The following EFCAB3 variants were observed in gnomAD, a reference collection of about 807,000 sequenced individuals.
The protein encoded by EFCAB3 is EF-hand calcium binding domain 3, also known as EF-hand calcium-binding domain-containing protein 3.
EFCAB3 carries 36 observed loss-of-function variants against 42.2 expected under a neutral mutation model. That is an observed-to-expected ratio of 0.85 (90% CI 0.65 to 1.13). The LOEUF (loss-of-function observed/expected upper bound fraction) is 1.13. Among genes scored for constraint, EFCAB3 ranks in the 50% most tolerant of loss-of-function variants. EFCAB3 has a pLI of 0.00. For missense variants in EFCAB3, 418 were observed against 505.1 expected, an observed-to-expected ratio of 0.83 and a Z score of 1.65; for synonymous variants, 170 against 172.8, an observed-to-expected ratio of 0.98 and a Z score of 0.13.
chr17:62,406,972 T>A, intron 7 of EFCAB3, 56 bp from the exon 8 acceptor site: 1 of 1,522,906 alleles, frequency 6.6e-7, no homozygotes, highest in Non-Finnish European at 8.8e-7. Flanking sequence ...GCTGGTCTTT[T>A]ATGTGAACTT....
At chr17:62,388,235 T>C (rs1488858635) in intron 3 of EFCAB3, among the ~76,000 whole-genome samples, 1 of 151,832 alleles carries the variant, frequency 6.6e-6, no homozygotes, top group Non-Finnish European at 1.5e-5. Flanking sequence ...ATGAACTTGC[T>C]GAATAAATCA....
intron 3 of EFCAB3, among the ~76,000 whole-genome samples, chr17:62,389,702 T>C (rs2070286079): frequency 6.6e-6 from 1 of 152,026 alleles, no homozygotes; most frequent in African/African-American, 2.4e-5. Flanking sequence ...TCCACCAACT[T>C]TTTCTATTTG....
chr17:62,396,206 A>T (rs1441421701), intron 6 of EFCAB3, among the ~76,000 whole-genome samples: 1 of 152,226 alleles, frequency 6.6e-6, no homozygotes, highest in Non-Finnish European at 1.5e-5. Context: ...AATAAATGTT[A>T]GCTATTATTA....
Position 62,384,406 on chromosome 17 carries a change from C to T in EFCAB3, c.74+1353C>T, listed in dbSNP as rs146190091. On this transcript the variant is annotated intron_variant, in intron 2 of 9. Transcript: ENST00000305286. Reference sequence around the variant, plus strand: ...ATCCCAGCACTTTGAGAGGCTGAGGCGGGTGGATCACTTGAGCCTAGGAAT... The same window carrying T: ...ATCCCAGCACTTTGAGAGGCTGAGGTGGGTGGATCACTTGAGCCTAGGAAT... 1.8e-3 allele frequency among the ~76,000 whole-genome samples: 275 copies of T among 152,192 alleles called. 1 individual carries two copies. The highest frequency in any genetic ancestry group is 6.2e-3 in the African/African-American group (258 of 41,530).
Position 62,391,923 on chromosome 17 carries a change from A to G in EFCAB3, c.253A>G (p.Lys85Glu). ...TVAKLGMNLT[K>E]HDVYNELKCA... ...AGCTAAGCTGGGAATGAATCTGACC[A>G]AGCATGATGTCTATAATGAATTGAA... Residue 85 changes from lysine (K) to glutamate (E), a missense_variant, in exon 4 of 10, where the codon AAG (lysine) becomes GAG (glutamate). Coordinates refer to ENST00000305286, the MANE Select transcript of EFCAB3 (RefSeq NM_173503.4). 2 of 1,612,970 alleles carry G rather than the reference A, an allele frequency of 1.2e-6. No individual in the cohort carries two copies. Among genetic ancestry groups the G allele is most frequent in the African/African-American group, 1.3e-5 (1 of 75,020 alleles).
intron 6 of EFCAB3, among the ~76,000 whole-genome samples, chr17:62,402,377 AG>A (rs944905937): frequency 2.6e-5 from 4 of 152,294 alleles, no homozygotes; most frequent in African/African-American, 9.6e-5. Context: ...CAGTTTTCAA[AG>A]GGAATGCTTC....
intron 6 of EFCAB3, among the ~76,000 whole-genome samples, chr17:62,401,760 A>T: frequency 6.6e-6 from 1 of 152,072 alleles, no homozygotes; most frequent in Non-Finnish European, 1.5e-5. Context: ...TAGGATTGTC[A>T]TGGCAATGTG....
intron 2 of EFCAB3, 111 bp downstream of exon 2, chr17:62,383,164 C>A: frequency 2.0e-6 from 2 of 1,012,548 alleles, no homozygotes; most frequent in Non-Finnish European, 2.8e-6. Context: ...CTGGGAAGCC[C>A]CTAAAAAAAA....
chr17:62,396,712 C>T (rs75695589), intron 6 of EFCAB3, among the ~76,000 whole-genome samples: 4,266 of 151,910 alleles, frequency 0.028, 76 homozygotes, highest in Non-Finnish European at 0.042. Flanking sequence ...GGCAATATAG[C>T]AAGACCCTCC....
chr17:62,408,458 C>T (rs537850276), intron 8 of EFCAB3, among the ~76,000 whole-genome samples: 14 of 152,246 alleles, frequency 9.2e-5, no homozygotes, highest in African/African-American at 2.2e-4. Context: ...TTTCATATCA[C>T]GCAGAATGAA....
chr17:62,392,184 C>G (rs952609140), intron 4 of EFCAB3, among the ~76,000 whole-genome samples: 1 of 148,824 alleles, frequency 6.7e-6, no homozygotes, highest in African/African-American at 2.5e-5. Flanking sequence ...TGTTTGTAGA[C>G]TATATATTTG....
chr17:62,409,864 G>A (rs1015026228), intron 8 of EFCAB3, among the ~76,000 whole-genome samples: 2 of 151,870 alleles, frequency 1.3e-5, no homozygotes, highest in Admixed American at 6.6e-5. Flanking sequence ...ATATACATAT[G>A]TAGTATATTA....
At chr17:62,385,504 A>G (rs1468329989) in intron 2 of EFCAB3, among the ~76,000 whole-genome samples, 1 of 152,122 alleles carries the variant, frequency 6.6e-6, no homozygotes, top group Non-Finnish European at 1.5e-5. Flanking sequence ...CAGAAGAAGA[A>G]AGCAATGTTA....
chr17:62,379,885 GT>G (rs1255424891), upstream of EFCAB3, among the ~76,000 whole-genome samples: 2 of 152,144 alleles, frequency 1.3e-5, no homozygotes, highest in South Asian at 2.1e-4. Context: ...GCCTATGAGA[GT>G]TTTTTTGCCT....
In EFCAB3 at chr17:62,395,058, C is replaced by T. The variant is rs1284481157; in HGVS notation, c.368-10C>T. 2 of 1,611,356 alleles carry T rather than the reference C, an allele frequency of 1.2e-6. No homozygotes were observed. Among genetic ancestry groups the T allele is most frequent in the Non-Finnish European group, 1.7e-6 (2 of 1,179,284 alleles). On this transcript the variant is annotated splice_polypyrimidine_tract_variant and intron_variant, in intron 5 of 9. Coordinates refer to ENST00000305286, the MANE Select transcript of EFCAB3 (RefSeq NM_173503.4). The stretch of plus-strand genomic sequence containing the variant: ...TATTTAAAAATCTATCTTTTGTTTT[C>T]CCTCCATAGTTCCAGAAAAGGAGAC...
chr17:62,384,586 G>A (rs555675921), intron 2 of EFCAB3, among the ~76,000 whole-genome samples: 27 of 152,290 alleles, frequency 1.8e-4, no homozygotes, highest in Non-Finnish European at 2.8e-4. Context: ...CTGTGCTTCA[G>A]CCTGGGCAAC....
chr17:62,396,873 TC>T (rs1246227316), intron 6 of EFCAB3, among the ~76,000 whole-genome samples: 2 of 152,108 alleles, frequency 1.3e-5, no homozygotes, highest in Non-Finnish European at 1.5e-5. Context: ...AGTGAGACCT[TC>T]CTCTAAAAAA....
chr17:62,404,042 TA>T (rs1244563049), intron 6 of EFCAB3, among the ~76,000 whole-genome samples: 1 of 152,172 alleles, frequency 6.6e-6, no homozygotes, highest in Non-Finnish European at 1.5e-5. Flanking sequence ...GGTATTTGCC[TA>T]AAACAGTTTC....
intron 9 of EFCAB3, among the ~76,000 whole-genome samples, chr17:62,414,718 A>T (rs2070530178): frequency 6.6e-6 from 1 of 152,146 alleles, no homozygotes; most frequent in Admixed American, 6.6e-5. Flanking sequence ...CAGTCACTGA[A>T]GCTAGAAAGC....
Sources: gnomAD v4.1 joint callset for allele counts (sites outside exome capture counted in the v4.1 genomes callset) on GRCh38, gnomAD v4.1.1 for gene constraint, MANE v1.5 for transcripts, NCBI Gene and HGNC (gene_info 2026-07-23, HGNC 2026-07-21) for gene names.